Variants in SANBR observed in about 807,000 individuals in gnomAD.
SANBR encodes SANT and BTB domain regulator of CSR.
In SANBR, 77 loss-of-function variants were observed where a neutral mutation model predicts 101.8. The ratio of observed to expected loss-of-function variants is 0.76; its 90% CI spans 0.63 to 0.91. The LOEUF (loss-of-function observed/expected upper bound fraction) is 0.91. SANBR is among the 40% of genes least tolerant of loss of function. SANBR has a pLI of 0.00. For synonymous variants in SANBR, 279 were observed against 274.7 expected (o/e 1.02, Z -0.15); for missense variants, 875 against 853.0 (o/e 1.03, Z -0.32).
chr2:61,087,158 G>A (rs180931019), intron 8 of SANBR, among the ~76,000 whole-genome samples: 1 of 152,172 alleles, frequency 6.6e-6, no homozygotes, highest in East Asian at 1.9e-4. Context: ...AGAAAACAAG[G>A]TTCAAAGAGG....
At chr2:61,070,854 G>C (rs116802094) in intron 3 of SANBR, among the ~76,000 whole-genome samples, 2,953 of 151,088 alleles carry the variant, frequency 0.02, 91 homozygotes, top group African/African-American at 0.067. Context: ...GCTCACTGCA[G>C]CCTCGACCTT....
intron 15 of SANBR, 109 bp from the exon 16 acceptor site, chr2:61,109,088 C>T (rs1020276539): frequency 6.2e-6 from 3 of 482,944 alleles, no homozygotes; most frequent in African/African-American, 6.0e-5. Context: ...GTTATTTTAT[C>T]AGCTCTTGAT....
downstream of SANBR, among the ~76,000 whole-genome samples, chr2:61,126,976 C>G (rs373313290): frequency 2.0e-5 from 3 of 152,282 alleles, no homozygotes; most frequent in Non-Finnish European, 4.4e-5. Flanking sequence ...TACTTCCTCA[C>G]AGGAGGTATT....
At chr2:61,084,029 G>C (rs1295507439) in intron 8 of SANBR, among the ~76,000 whole-genome samples, 1 of 152,042 alleles carries the variant, frequency 6.6e-6, no homozygotes. Context: ...CAAGATACCA[G>C]CCACAACCTG....
At chr2:61,135,054 G>T (rs563976699) in intron 21 of SANBR, among the ~76,000 whole-genome samples, 8 of 152,272 alleles carry the variant, frequency 5.3e-5, no homozygotes, top group African/African-American at 1.9e-4. Context: ...GCTAGGTGTG[G>T]TGGCACGCGC....
chr2:61,112,906 A>G (rs1466114658), intron 16 of SANBR, among the ~76,000 whole-genome samples: 1 of 152,188 alleles, frequency 6.6e-6, no homozygotes. Context: ...GTATTTGCCT[A>G]CCTCAAAGTC....
intron 16 of SANBR, among the ~76,000 whole-genome samples, chr2:61,111,748 C>G (rs1207320810): frequency 6.6e-6 from 1 of 152,204 alleles, no homozygotes; most frequent in East Asian, 1.9e-4. Context: ...AACCATGAAT[C>G]TGTTTTGTCA....
intron 6 of SANBR, among the ~76,000 whole-genome samples, chr2:61,078,031 C>T (rs1681882685): frequency 6.6e-6 from 1 of 152,192 alleles, no homozygotes; most frequent in African/African-American, 2.4e-5. Flanking sequence ...TTCTCAATAC[C>T]TGACTTTTCT....
Position 61,119,171 on chromosome 2 carries a change from A to G in SANBR, c.2028+1055A>G, listed in dbSNP as rs1684221727. On this transcript the variant is annotated intron_variant, in intron 20 of 21. Transcript: ENST00000402291. ...GACAAGAAACACCTATATTCTTGCT[A>G]GAATTACATTTTAGTCATGACATTA... Among the ~76,000 whole-genome samples, 3 of 152,220 alleles carry G rather than the reference A, an allele frequency of 2.0e-5. No individual in the cohort carries two copies. The South Asian group carries it at 6.2e-4, about 32-fold the overall frequency.
chr2:61,093,346 A>G (rs1012117218), intron 11 of SANBR: 2 of 152,242 alleles, frequency 1.3e-5, no homozygotes, highest in Non-Finnish European at 2.9e-5. Context: ...CTGTAATCCC[A>G]GCACTTTGGG....
At chr2:61,094,070 A>G (rs559058053) in intron 11 of SANBR, 216 of 983,108 alleles carry the variant, frequency 2.2e-4, no homozygotes, top group Non-Finnish European at 2.5e-4. Context: ...CAAAATCTTC[A>G]GATTGGGATT....
intron 13 of SANBR, among the ~76,000 whole-genome samples, chr2:61,105,972 G>A (rs567688876): frequency 2.6e-5 from 4 of 152,236 alleles, no homozygotes; most frequent in African/African-American, 9.6e-5. Context: ...GCCCAGCCAA[G>A]GCTGTTCTTA....
At chr2:61,106,084 C>G (rs1683549839) in intron 13 of SANBR, among the ~76,000 whole-genome samples, 2 of 152,056 alleles carry the variant, frequency 1.3e-5, no homozygotes, top group Admixed American at 6.6e-5. Flanking sequence ...AGAGGAATCA[C>G]TGGACGAATT....
chr2:61,092,238 G>GTGTATTTT (rs1682798139), intron 10 of SANBR, among the ~76,000 whole-genome samples: 2 of 152,114 alleles, frequency 1.3e-5, no homozygotes, highest in African/African-American at 4.8e-5. Flanking sequence ...TACAAAATTA[G>GTGTATTTT]CTGGGTGTGG....
intron 6 of SANBR, 34 bp from the exon 7 acceptor site, chr2:61,081,418 T>A (rs771155722): frequency 3.8e-6 from 6 of 1,562,766 alleles, no homozygotes; most frequent in Non-Finnish European, 5.2e-6. Context: ...GGGGTACCCA[T>A]CAAAAGGGTA....
At chr2:61,107,573 C>T (rs748456873) in intron 14 of SANBR, among the ~76,000 whole-genome samples, 34 of 152,004 alleles carry the variant, frequency 2.2e-4, no homozygotes, top group Non-Finnish European at 3.8e-4. Flanking sequence ...TGAAATATTC[C>T]CTGTGAAGTG....
intron 17 of SANBR, among the ~76,000 whole-genome samples, chr2:61,116,834 C>T (rs1238811212): frequency 1.3e-5 from 2 of 151,970 alleles, no homozygotes; most frequent in African/African-American, 4.8e-5. Flanking sequence ...GGGTGGATTG[C>T]TTGAGCCCAA....
chr2:61,134,040 C>A, intron 20 of SANBR: 9 of 1,536,334 alleles, frequency 5.9e-6, no homozygotes, highest in Non-Finnish European at 8.0e-6. Context: ...CCAATTTATC[C>A]TAACAGCTAC....
At chr2:61,089,679 TAAATA>T (rs1051236883) in intron 10 of SANBR, 17 of 152,076 alleles carry the variant, frequency 1.1e-4, no homozygotes, top group African/African-American at 2.7e-4. Flanking sequence ...CCATCTCAAA[TAAATA>T]AAATAAATAA....
Sources: allele counts gnomAD v4.1 joint callset (sites outside exome capture counted in the v4.1 genomes callset), GRCh38; gene constraint gnomAD v4.1.1; transcripts MANE v1.5; gene names NCBI Gene and HGNC (gene_info 2026-07-23, HGNC 2026-07-21).